Variants in ASB3 observed in about 807,000 individuals in gnomAD.
The protein encoded by ASB3 is ankyrin repeat and SOCS box containing 3.
A neutral mutation model predicts 54.5 loss-of-function variants in ASB3; 41 were observed. The ratio of observed to expected loss-of-function variants is 0.75; its 90% CI spans 0.59 to 0.98. The LOEUF (loss-of-function observed/expected upper bound fraction) is 0.98. ASB3 is among the 50% of genes least tolerant of loss of function. The pLI is 0.00. For missense variants in ASB3, 733 were observed against 620.0 expected, an observed-to-expected ratio of 1.18 and a Z score of -1.94; for synonymous variants, 266 against 221.2, an observed-to-expected ratio of 1.20 and a Z score of -1.80.
At chr2:53,734,635 C>T (rs990065882) in intron 3 of ASB3, among the ~76,000 whole-genome samples, 1 of 152,226 alleles carries the variant, frequency 6.6e-6, no homozygotes, top group South Asian at 2.1e-4. Context: ...TGCCATAATT[C>T]ATGTAAAGCT....
intron 1 of ASB3, among the ~76,000 whole-genome samples, chr2:53,777,951 T>G (rs1290867368): frequency 6.6e-6 from 1 of 151,976 alleles, no homozygotes; most frequent in Non-Finnish European, 1.5e-5. Flanking sequence ...GTTCGAGACC[T>G]GCCTGACCAA....
At position 53,761,425 on chromosome 2, in the gene ASB3, G is replaced by GA. The variant is rs957999392; in HGVS notation, c.196+3951dup. 4.1e-3 allele frequency among the ~76,000 whole-genome samples: 600 copies of GA among 146,560 alleles called. 2 individuals are homozygous for GA. The highest frequency in any genetic ancestry group is 0.014 in the East Asian group (73 of 5,058). The stretch of plus-strand genomic sequence containing the variant: ...TTTTCACTCTATTAATCCTGCAAAT[G>GA]AAAAAAAAAAGGCAGAAGGAGAATT... On this transcript the variant is annotated intron_variant, in intron 2 of 9. Transcript: ENST00000263634.
chr2:53,777,176 C>G (rs1674386877), intron 1 of ASB3, among the ~76,000 whole-genome samples: 1 of 152,168 alleles, frequency 6.6e-6, no homozygotes, highest in African/African-American at 2.4e-5. Flanking sequence ...TTGTGTTCTT[C>G]CAGCTTTCTT....
chr2:53,750,743 T>C, intron 3 of ASB3, 40 bp downstream of exon 3: 1 of 1,434,150 alleles, frequency 7.0e-7, no homozygotes, highest in Admixed American at 2.6e-5. Flanking sequence ...AAAATAATAA[T>C]GATGAAAAAT....
chr2:53,691,390 G>A (rs1215690835), intron 9 of ASB3, among the ~76,000 whole-genome samples: 1 of 152,086 alleles, frequency 6.6e-6, no homozygotes, highest in South Asian at 2.1e-4. Flanking sequence ...TAGGAAGCTA[G>A]GAATTATCTA....
intron 7 of ASB3, among the ~76,000 whole-genome samples, chr2:53,708,488 T>G (rs926937287): frequency 1.3e-5 from 2 of 151,904 alleles, no homozygotes; most frequent in Admixed American, 6.6e-5. Context: ...CACTGAAGAG[T>G]GGGGCATTGC....
chr2:53,758,010 CAG>C (rs1029721743), intron 2 of ASB3, among the ~76,000 whole-genome samples: 5 of 151,000 alleles, frequency 3.3e-5, no homozygotes, highest in Non-Finnish European at 7.4e-5. Context: ...AGAGAAGAGA[CAG>C]AGAGAGAGAG....
chr2:53,722,065 G>A (rs1410405532), intron 5 of ASB3, among the ~76,000 whole-genome samples: 1 of 151,852 alleles, frequency 6.6e-6, no homozygotes, highest in African/African-American at 2.4e-5. Context: ...ACACCTCAAT[G>A]CACGCAAATG....
chr2:53,726,441 A>G (rs983271755), intron 5 of ASB3, among the ~76,000 whole-genome samples: 1 of 151,140 alleles, frequency 6.6e-6, no homozygotes, highest in African/African-American at 2.4e-5. Context: ...TTTGTATTTT[A>G]ATAGAGACGG....
In ASB3 at chr2:53,737,490, T is replaced by G. The variant is rs1172879882; in HGVS notation, c.356-7920A>C. 2.6e-5 allele frequency among the ~76,000 whole-genome samples: 4 copies of G among 152,060 alleles called. No homozygotes were observed. The South Asian group carries it at 8.3e-4, about 32-fold the overall frequency. On this transcript the variant is annotated intron_variant, in intron 3 of 9. Coordinates refer to ENST00000263634, the MANE Select transcript of ASB3 (RefSeq NM_016115.5). Reference sequence around the variant, plus strand: ...CCTTGGTTCAAGCGTAGGTTGCACATGTACAAGGTAAGGCAAATAAAAACT... The same window carrying G: ...CCTTGGTTCAAGCGTAGGTTGCACAGGTACAAGGTAAGGCAAATAAAAACT...
chr2:53,703,934 C>A (rs1216234391), intron 7 of ASB3, among the ~76,000 whole-genome samples: 1 of 151,968 alleles, frequency 6.6e-6, no homozygotes, highest in African/African-American at 2.4e-5. Context: ...TTACCAAATC[C>A]CTAAAAATTA....
intron 3 of ASB3, among the ~76,000 whole-genome samples, chr2:53,732,765 T>A (rs889129953): frequency 1.3e-5 from 2 of 152,232 alleles, no homozygotes; most frequent in African/African-American, 4.8e-5. Flanking sequence ...ACAGCCCTTG[T>A]TAATTATTTC....
intron 1 of ASB3, among the ~76,000 whole-genome samples, chr2:53,770,772 C>T (rs1673846781): frequency 6.6e-6 from 1 of 152,122 alleles, no homozygotes; most frequent in South Asian, 2.1e-4. Flanking sequence ...AATAAAATTG[C>T]CTAGAACACA....
At chr2:53,698,716 G>A (rs528047050) in intron 8 of ASB3, among the ~76,000 whole-genome samples, 1 of 152,242 alleles carries the variant, frequency 6.6e-6, no homozygotes, top group East Asian at 1.9e-4. Flanking sequence ...TTGTCATAAT[G>A]GCCTTTGCTA....
chr2:53,778,892 G>A (rs1297102146), intron 1 of ASB3, among the ~76,000 whole-genome samples: 1 of 152,150 alleles, frequency 6.6e-6, no homozygotes, highest in Non-Finnish European at 1.5e-5. Flanking sequence ...CAATCTTTTA[G>A]GTAAATACCC....
chr2:53,774,335 C>T (rs377090726), intron 1 of ASB3: 2 of 1,613,542 alleles, frequency 1.2e-6, no homozygotes, highest in Non-Finnish European at 1.7e-6. Flanking sequence ...CTTGGTCCTG[C>T]ACCTCTGGAA....
intron 5 of ASB3, 82 bp from the exon 6 acceptor site, chr2:53,716,825 A>G: frequency 1.4e-6 from 2 of 1,446,830 alleles, no homozygotes; most frequent in Non-Finnish European, 1.8e-6. Context: ...ACTACCATAA[A>G]AGGGTTTCGT....
At chr2:53,763,797 A>G (rs899861285) in intron 2 of ASB3, among the ~76,000 whole-genome samples, 1 of 152,234 alleles carries the variant, frequency 6.6e-6, no homozygotes, top group African/African-American at 2.4e-5. Context: ...GTTACTAAAA[A>G]TAGTTTGGGA....
chr2:53,761,500 G>C (rs970548975), intron 2 of ASB3, among the ~76,000 whole-genome samples: 3 of 151,932 alleles, frequency 2.0e-5, no homozygotes, highest in Non-Finnish European at 4.4e-5. Context: ...TTGGATACTG[G>C]AGATCCTGAT....
Sources: allele counts gnomAD v4.1 joint callset (sites outside exome capture counted in the v4.1 genomes callset), GRCh38; gene constraint gnomAD v4.1.1; transcripts MANE v1.5; gene names NCBI Gene and HGNC (gene_info 2026-07-23, HGNC 2026-07-21).